SLC6A5: variants seen among roughly 807,000 people sequenced by gnomAD.
SLC6A5 encodes sodium- and chloride-dependent glycine transporter 2.
Under a neutral mutation model 90.5 loss-of-function variants are expected in SLC6A5, and 58 were observed. That is an observed-to-expected ratio of 0.64 (90% CI 0.52 to 0.80). The LOEUF (loss-of-function observed/expected upper bound fraction) is 0.80. Ranked by LOEUF, SLC6A5 falls within the 30% of genes least tolerant of loss-of-function variation. The probability of loss-of-function intolerance (pLI) is 0.00; values close to 1 mark genes in which losing one functional copy is unlikely to be tolerated. For missense variants in SLC6A5, 1,015 were observed against 1,017.6 expected (o/e 1.00, Z 0.03); for synonymous variants, 427 against 401.4 (o/e 1.06, Z -0.76).
At chr11:20,636,571 G>T in intron 11 of SLC6A5, 152 bp downstream of exon 11, 1 of 706,154 alleles carries the variant, frequency 1.4e-6, no homozygotes, top group Non-Finnish European at 2.6e-6. Flanking sequence ...TGCCTGTGTA[G>T]GGCTCAGGAT....
chr11:20,651,746 A>T (rs185102234), intron 14 of SLC6A5, among the ~76,000 whole-genome samples: 2 of 151,946 alleles, frequency 1.3e-5, no homozygotes, highest in Non-Finnish European at 2.9e-5. Context: ...TGTCTCTACT[A>T]AAAATACAAA....
intron 2 of SLC6A5, among the ~76,000 whole-genome samples, chr11:20,603,903 A>T (rs1852525360): frequency 6.6e-6 from 1 of 150,844 alleles, no homozygotes; most frequent in South Asian, 2.1e-4. Flanking sequence ...CTGCTTGCCA[A>T]ATAAATTCTT....
rs1476095610 is a variant in SLC6A5 at position 20,599,615 on chromosome 11, A to G, written c.-58A>G. The G allele has an allele frequency of 4.3e-6, 7 of 1,610,272 alleles. No homozygotes were observed. Among genetic ancestry groups the G allele is most frequent in the Non-Finnish European group, 5.9e-6 (7 of 1,176,610 alleles). On this transcript the variant is annotated 5_prime_UTR_variant, in exon 1 of 16. Coordinates refer to ENST00000525748, the MANE Select transcript of SLC6A5 (RefSeq NM_004211.5). ...CGCCTCTCCTGCCTGAGCCAAACCC[A>G]GTCTTGTCAATAGCGGGTTTCACCC...
chr11:20,599,809 C>A (rs1852423621), intron 1 of SLC6A5, 134 bp downstream of exon 1: 3 of 1,028,690 alleles, frequency 2.9e-6, no homozygotes, highest in Admixed American at 1.7e-5. Context: ...GAGAACAATT[C>A]TCGCAGCCCT....
At chr11:20,601,104 C>A (rs1216139957) in intron 1 of SLC6A5, 25 bp from the exon 2 acceptor site, 1 of 1,575,032 alleles carries the variant, frequency 6.3e-7, no homozygotes, top group East Asian at 2.3e-5. Context: ...CTTTGTTTTG[C>A]ACGAACTTGA....
At chr11:20,613,649 ATTCT>A (rs1370773280) in intron 5 of SLC6A5, among the ~76,000 whole-genome samples, 2 of 134,596 alleles carry the variant, frequency 1.5e-5, no homozygotes, top group East Asian at 4.5e-4. Context: ...GGACTAAATA[ATTCT>A]TTTTTTTTTT....
chr11:20,652,286 C>T lies in SLC6A5; in HGVS notation c.2071-3C>T. ...AACACGTGTGTCACTTTTCTCTTTC[C>T]AGTTTATCCTTTGCTTCAGCTTTTA... On this transcript the variant is annotated splice_region_variant and splice_polypyrimidine_tract_variant and intron_variant, in intron 14 of 15. Coordinates refer to ENST00000525748, the MANE Select transcript of SLC6A5 (RefSeq NM_004211.5). The T allele has an allele frequency of 2.5e-6, 4 of 1,613,928 alleles. No homozygotes were observed. Among genetic ancestry groups the T allele is most frequent in the Non-Finnish European group, 3.4e-6 (4 of 1,179,884 alleles).
intron 14 of SLC6A5, among the ~76,000 whole-genome samples, chr11:20,647,878 T>C (rs912220621): frequency 6.6e-6 from 1 of 152,228 alleles, no homozygotes; most frequent in African/African-American, 2.4e-5. Flanking sequence ...TTTTCATTGC[T>C]TTTGAGAACT....
chr11:20,654,259 C>T (rs547200420), intron 15 of SLC6A5, among the ~76,000 whole-genome samples: 14 of 151,932 alleles, frequency 9.2e-5, no homozygotes, highest in Non-Finnish European at 1.9e-4. Context: ...GGGAAATATG[C>T]TAAACAAAAT....
Position 20,600,064 on chromosome 11 carries a change from G to T in SLC6A5, c.3+389G>T, listed in dbSNP as rs553523753. On this transcript the variant is annotated intron_variant, in intron 1 of 15. Coordinates refer to ENST00000525748, the MANE Select transcript of SLC6A5 (RefSeq NM_004211.5). Reference sequence around the variant, plus strand: ...GTTCTATTCTGCGTGTTTGTGAAAGGGGGTTAGACGAGAGGAGTGCGGTGG... The same window carrying T: ...GTTCTATTCTGCGTGTTTGTGAAAGTGGGTTAGACGAGAGGAGTGCGGTGG... Among the ~76,000 whole-genome samples, 12 of 152,214 alleles carry T rather than the reference G, an allele frequency of 7.9e-5. No individual in the cohort carries two copies. In the South Asian group the frequency reaches 2.5e-3, roughly 32 times the overall value.
intron 14 of SLC6A5, among the ~76,000 whole-genome samples, chr11:20,651,780 A>C (rs566995676): frequency 1.6e-4 from 25 of 152,004 alleles, no homozygotes; most frequent in Admixed American, 1.6e-3. Flanking sequence ...TGTGGCATAC[A>C]TCTGTAATCC....
At chr11:20,614,241 CAG>C (rs1391344772) in intron 5 of SLC6A5, among the ~76,000 whole-genome samples, 2 of 152,166 alleles carry the variant, frequency 1.3e-5, no homozygotes, top group African/African-American at 2.4e-5. Context: ...TTATTTTCTG[CAG>C]AGTCATAAGG....
intron 1 of SLC6A5, among the ~76,000 whole-genome samples, chr11:20,600,744 A>G (rs1852454628): frequency 6.6e-6 from 1 of 152,174 alleles, no homozygotes; most frequent in South Asian, 2.1e-4. Context: ...AATGGGGCGG[A>G]AAATTAAAGA....
Position 20,601,326 on chromosome 11 carries a change from G to A in SLC6A5, c.201G>A (p.Ala67=), listed in dbSNP as rs750917084. ...CCCAAACTTTCCAGTCAGCGGACGC[G>A]CGAGCCTGCGAGGCTGAGCGGCCAG... ...TGAQTFQSAD[A]RACEAERPGV... Residue 67 remains alanine (A), a synonymous_variant, in exon 2 of 16, where the codon GCG becomes GCA. Coordinates refer to ENST00000525748, the MANE Select transcript of SLC6A5 (RefSeq NM_004211.5). The A allele has an allele frequency of 1.0e-5, 16 of 1,593,760 alleles. No individual in the cohort carries two copies. The highest frequency in any genetic ancestry group is 1.3e-5 in the Non-Finnish European group (15 of 1,174,028).
intron 5 of SLC6A5, among the ~76,000 whole-genome samples, chr11:20,608,926 C>G (rs796864484): frequency 0.058 from 1,737 of 30,148 alleles, 16 homozygotes; most frequent in African/African-American, 0.16. Flanking sequence ...CTGTCTGTCT[C>G]TCTCTCTCTC....
At chr11:20,600,155 C>T (rs1366103053) in intron 1 of SLC6A5, among the ~76,000 whole-genome samples, 1 of 151,832 alleles carries the variant, frequency 6.6e-6, no homozygotes, top group Non-Finnish European at 1.5e-5. Context: ...TTTAGGAAGC[C>T]GTGAAAGATA....
chr11:20,614,644 T>C (rs768549114), intron 5 of SLC6A5, 35 bp from the exon 6 acceptor site: 2 of 1,601,736 alleles, frequency 1.2e-6, no homozygotes, highest in Admixed American at 3.3e-5. Flanking sequence ...CTGTACAGAT[T>C]TAACTGTGTT....
At chr11:20,649,333 G>A (rs974301626) in intron 14 of SLC6A5, among the ~76,000 whole-genome samples, 6 of 152,162 alleles carry the variant, frequency 3.9e-5, no homozygotes, top group African/African-American at 1.2e-4. Context: ...CAACTGATGA[G>A]TCTCCCTCCA....
chr11:20,651,413 A>G (rs1389175539), intron 14 of SLC6A5, among the ~76,000 whole-genome samples: 2 of 151,002 alleles, frequency 1.3e-5, no homozygotes, highest in African/African-American at 4.9e-5. Context: ...AGCTGGGATT[A>G]CAGGCGCGTG....
Sources: allele counts gnomAD v4.1 joint callset (sites outside exome capture counted in the v4.1 genomes callset), GRCh38; gene constraint gnomAD v4.1.1; transcripts MANE v1.5; gene names NCBI Gene and HGNC (gene_info 2026-07-23, HGNC 2026-07-21).